SEZ6L: variants seen among roughly 807,000 people sequenced by gnomAD.
SEZ6L encodes the protein seizure related 6 homolog like.
Under a neutral mutation model 106.2 loss-of-function variants are expected in SEZ6L, and 37 were observed. That is an observed-to-expected ratio of 0.35 (90% confidence interval 0.27 to 0.46). The LOEUF is 0.46. Ranked by LOEUF, SEZ6L falls within the 20% of genes least tolerant of loss-of-function variation. The pLI, the probability that SEZ6L is intolerant of heterozygous loss-of-function variation, is 1.00. For synonymous variants in SEZ6L, 541 were observed against 570.4 expected (o/e 0.95, Z 0.73); for missense variants, 1,172 against 1,332.8 (o/e 0.88, Z 1.88).
chr22:26,212,080 C>T (rs1468245719), intron 1 of SEZ6L, among the ~76,000 whole-genome samples: 1 of 152,038 alleles, frequency 6.6e-6, no homozygotes, highest in East Asian at 1.9e-4. Flanking sequence ...GGAGCAAGGA[C>T]AGACTATTCC....
At chr22:26,346,461 C>T (rs2083011149) in intron 10 of SEZ6L, among the ~76,000 whole-genome samples, 1 of 152,204 alleles carries the variant, frequency 6.6e-6, no homozygotes, top group South Asian at 2.1e-4. Flanking sequence ...ATATTAGTCA[C>T]CTATTGCTGT....
chr22:26,226,197 T>C (rs2078629035), intron 1 of SEZ6L, among the ~76,000 whole-genome samples: 2 of 152,180 alleles, frequency 1.3e-5, no homozygotes, highest in Admixed American at 6.5e-5. Flanking sequence ...TAGAGATCTT[T>C]TCAAAACACA....
At chr22:26,316,892 G>GAAAGAAAGAAAGAA (rs1229794374) in intron 9 of SEZ6L, among the ~76,000 whole-genome samples, 3 of 103,676 alleles carry the variant, frequency 2.9e-5, no homozygotes, top group African/African-American at 1.1e-4. Flanking sequence ...AAGAAAGAAA[G>GAAAGAAAGAAAGAA]AGAAAGAAAG....
At chr22:26,329,830 A>G (rs913396279) in intron 9 of SEZ6L, among the ~76,000 whole-genome samples, 6 of 152,258 alleles carry the variant, frequency 3.9e-5, no homozygotes, top group African/African-American at 1.4e-4. Context: ...GATACAAAAC[A>G]ACTTTAAACA....
At chr22:26,339,620 C>T (rs1360907545) in intron 9 of SEZ6L, among the ~76,000 whole-genome samples, 3 of 152,160 alleles carry the variant, frequency 2.0e-5, no homozygotes, top group Admixed American at 1.3e-4. Context: ...TGCCTCCATC[C>T]CACCTCTGCC....
At chr22:26,369,897 G>A (rs1452479445) in intron 13 of SEZ6L, among the ~76,000 whole-genome samples, 4 of 152,102 alleles carry the variant, frequency 2.6e-5, no homozygotes, top group Non-Finnish European at 5.9e-5. Flanking sequence ...GATTACAGGC[G>A]TGAGCCATCA....
intron 9 of SEZ6L, among the ~76,000 whole-genome samples, chr22:26,339,378 G>T (rs2082751481): frequency 6.6e-6 from 1 of 152,200 alleles, no homozygotes; most frequent in African/African-American, 2.4e-5. Flanking sequence ...CATGATTGAT[G>T]AAGCCAAAGG....
chr22:26,208,822 T>A (rs1381265680), intron 1 of SEZ6L, among the ~76,000 whole-genome samples: 2 of 151,130 alleles, frequency 1.3e-5, no homozygotes, highest in Non-Finnish European at 2.9e-5. Flanking sequence ...TGCCCCATTC[T>A]GTTTTTTTCT....
chr22:26,244,988 G>A (rs1236776046), intron 1 of SEZ6L, among the ~76,000 whole-genome samples: 1 of 152,180 alleles, frequency 6.6e-6, no homozygotes, highest in Non-Finnish European at 1.5e-5. Flanking sequence ...ATCTGAACTG[G>A]ACAAGTAATA....
chr22:26,365,209 A>G (rs1231708224), intron 12 of SEZ6L, among the ~76,000 whole-genome samples, 163 bp from the exon 13 acceptor site: 1 of 152,214 alleles, frequency 6.6e-6, no homozygotes, highest in Non-Finnish European at 1.5e-5. Flanking sequence ...GAGGTGGAAG[A>G]CAGAAAGAAC....
At chr22:26,266,582 TAAATAAATAAA>T (rs1307291676) in intron 1 of SEZ6L, among the ~76,000 whole-genome samples, 3 of 43,096 alleles carry the variant, frequency 7.0e-5, no homozygotes, top group South Asian at 5.1e-4. Context: ...CAAAAATAAA[TAAATAAATAAA>T]TAAATAAATA....
chr22:26,274,124 C>T (rs2080461776), intron 1 of SEZ6L, among the ~76,000 whole-genome samples: 2 of 152,146 alleles, frequency 1.3e-5, no homozygotes, highest in Non-Finnish European at 2.9e-5. Flanking sequence ...CCCAGAACTG[C>T]CATCTATAAT....
intron 1 of SEZ6L, among the ~76,000 whole-genome samples, chr22:26,196,282 A>G (rs1285679720): frequency 1.3e-5 from 2 of 151,682 alleles, no homozygotes; most frequent in Non-Finnish European, 2.9e-5. Flanking sequence ...GTTTTCTGAG[A>G]CCTCCCCAGA....
intron 4 of SEZ6L, 80 bp from the exon 5 acceptor site, chr22:26,298,904 A>G: frequency 2.9e-6 from 4 of 1,393,236 alleles, no homozygotes; most frequent in Non-Finnish European, 3.8e-6. Context: ...CCCAGCACAA[A>G]CTGGCTCCCA....
intron 1 of SEZ6L, among the ~76,000 whole-genome samples, chr22:26,178,730 A>C (rs770484751): frequency 1.3e-5 from 2 of 152,190 alleles, no homozygotes; most frequent in African/African-American, 2.4e-5. Context: ...AAAAAGACAC[A>C]GACCCTGGAG....
At chr22:26,204,323 T>G (rs562452150) in intron 1 of SEZ6L, among the ~76,000 whole-genome samples, 37 of 152,148 alleles carry the variant, frequency 2.4e-4, no homozygotes, top group African/African-American at 8.9e-4. Context: ...GATGGGTGCT[T>G]GAAAATAACA....
rs140489304 is a variant in SEZ6L at position 26,314,015 on chromosome 22, C to T, written c.2015+113C>T. 138 of 1,099,512 alleles carry T rather than the reference C, an allele frequency of 1.3e-4. No individual in the cohort carries two copies. In the East Asian group the frequency reaches 1.7e-3, roughly 14 times the overall value. 68.1% of individuals were successfully genotyped at this position (1,099,512 alleles called of 1,614,324 possible). On this transcript the variant is annotated intron_variant, in intron 9 of 16. Coordinates refer to ENST00000248933, the MANE Select transcript of SEZ6L (RefSeq NM_021115.5). ...TATTAACTAAGCATCTACTATGTGC[C>T]GGGACTATGCAGAGAACAGGCATTC...
At chr22:26,250,158 C>A (rs964970673) in intron 1 of SEZ6L, among the ~76,000 whole-genome samples, 1 of 152,062 alleles carries the variant, frequency 6.6e-6, no homozygotes, top group Non-Finnish European at 1.5e-5. Flanking sequence ...TGTGTAGAAG[C>A]TTTTTAGTTT....
At chr22:26,375,340 G>A (rs770254588) in intron 14 of SEZ6L, among the ~76,000 whole-genome samples, 23 of 152,164 alleles carry the variant, frequency 1.5e-4, no homozygotes, top group Non-Finnish European at 2.5e-4. Flanking sequence ...GTTTCAAACA[G>A]TGTAATTCTC....
Sources: allele counts gnomAD v4.1 joint callset (sites outside exome capture counted in the v4.1 genomes callset), GRCh38; gene constraint gnomAD v4.1.1; transcripts MANE v1.5; gene names NCBI Gene and HGNC (gene_info 2026-07-23, HGNC 2026-07-21).